The following EPS15L1 variants were observed in gnomAD, a reference collection of about 807,000 sequenced individuals.
The protein encoded by EPS15L1 is epidermal growth factor receptor pathway substrate 15 like 1.
EPS15L1 carries 43 observed loss-of-function variants against 117.1 expected under a neutral mutation model. That is an observed-to-expected ratio of 0.37 (90% CI 0.29 to 0.47). The LOEUF (loss-of-function observed/expected upper bound fraction) is 0.47. EPS15L1 is among the 20% of genes least tolerant of loss of function. EPS15L1 has a pLI of 0.99. For synonymous variants in EPS15L1, 459 were observed against 470.5 expected, an observed-to-expected ratio of 0.98 and a Z score of 0.32; for missense variants, 981 against 1,164.0, an observed-to-expected ratio of 0.84 and a Z score of 2.29.
At chr19:16,422,563 T>C (rs1407799767) in intron 9 of EPS15L1, among the ~76,000 whole-genome samples, 2 of 152,096 alleles carry the variant, frequency 1.3e-5, no homozygotes, top group Non-Finnish European at 2.9e-5. Context: ...TTGTTCCTTC[T>C]CCACGCAGCA....
intron 13 of EPS15L1, chr19:16,413,392 T>C (rs1013410614): frequency 2.8e-5 from 20 of 703,662 alleles, no homozygotes; most frequent in Non-Finnish European, 5.0e-5. Flanking sequence ...ACTGCCATCC[T>C]GGGCAACTTC....
At chr19:16,393,510 G>A (rs1156325570) in intron 18 of EPS15L1, among the ~76,000 whole-genome samples, 5 of 151,448 alleles carry the variant, frequency 3.3e-5, no homozygotes, top group Admixed American at 1.3e-4. Context: ...TTAGCCGGGC[G>A]TGGTAGCGGG....
intron 1 of EPS15L1, among the ~76,000 whole-genome samples, chr19:16,447,134 G>A (rs943125162): frequency 1.3e-5 from 2 of 152,106 alleles, no homozygotes; most frequent in African/African-American, 4.8e-5. Context: ...CACATTCTGC[G>A]GGTGAGATAA....
chr19:16,404,521 T>C lies in EPS15L1; in HGVS notation c.1428+67A>G. ...TGTTGTGTTCCCAGGTAACACGAGCTCAGGGGAGTCCTTGGGAAGCCCCTG... is the reference window on the plus strand; with the variant it reads ...TGTTGTGTTCCCAGGTAACACGAGCCCAGGGGAGTCCTTGGGAAGCCCCTG... On this transcript the variant is annotated intron_variant, in intron 14 of 23. Coordinates refer to ENST00000455140, the MANE Select transcript of EPS15L1 (RefSeq NM_001258374.3). This position sits in a 1 kb window ranked among gnomAD's most constrained non-coding sequence, Gnocchi z 4.2. The C allele has an allele frequency of 6.4e-7, 1 of 1,562,076 alleles. No individual in the cohort carries two copies. The highest frequency in any genetic ancestry group is 8.8e-7 in the Non-Finnish European group (1 of 1,139,540).
chr19:16,404,041 A>G lies in EPS15L1; in HGVS notation c.1429-111T>C, dbSNP rs998965851. The G allele has an allele frequency of 1.7e-5, 17 of 1,016,120 alleles. No individual in the cohort carries two copies. The highest frequency in any genetic ancestry group is 4.2e-5 in the Admixed American group (2 of 47,238). The allele number at this position is 1,016,120 out of a possible 1,614,324, so 62.9% of individuals were successfully genotyped here. ...CCGAAACAAGCTAAGCCAGGGACGC[A>G]GACACCTAACCCAGGCCCGACACCT... On this transcript the variant is annotated intron_variant, in intron 14 of 23. Transcript: ENST00000455140. The surrounding 1 kb of genome is among the most constrained non-coding windows in gnomAD (Gnocchi z 4.2).
chr19:16,413,198 C>T (rs910738299), intron 13 of EPS15L1: 118 of 650,856 alleles, frequency 1.8e-4, no homozygotes, highest in African/African-American at 1.7e-3. Flanking sequence ...TGTGCAGAGG[C>T]TACTGGGGGA....
In EPS15L1 at chr19:16,413,783, C is replaced by T. The variant is rs142544986; in HGVS notation, c.1256G>A (p.Ser419Asn). 2 of 1,613,896 alleles carry T rather than the reference C, an allele frequency of 1.2e-6. No individual in the cohort carries two copies. The highest frequency in any genetic ancestry group is 1.7e-6 in the Non-Finnish European group (2 of 1,179,768). Residue 419 changes from serine (S) to asparagine (N), a missense_variant, in exon 13 of 24, where the codon AGC (serine) becomes AAC (asparagine). Coordinates refer to ENST00000455140, the MANE Select transcript of EPS15L1 (RefSeq NM_001258374.3). ...GAACGAGACCCTTACCTGCACCTCG[C>T]TGGTTTTCTGTCTGATTGCCTCTTC... ...EKEEAIRQKT[S>N]EVQELQNDLD...
rs1486877348 is a variant in EPS15L1 at position 16,471,429 on chromosome 19, C to T, written c.33+484G>A. On this transcript the variant is annotated intron_variant, in intron 1 of 23. Transcript: ENST00000455140. This position sits in a 1 kb window ranked among gnomAD's most constrained non-coding sequence, Gnocchi z 4.8. ...CGATCTGCGCCCGGTGCAGGGGTGG[C>T]GGAAGCAGCTTCCAAGGAGGCAGGG... Among the ~76,000 whole-genome samples, 1 of 152,202 alleles carries T rather than the reference C, an allele frequency of 6.6e-6. No homozygotes were observed. The highest frequency in any genetic ancestry group is 1.5e-5 in the Non-Finnish European group (1 of 68,042).
intron 13 of EPS15L1, among the ~76,000 whole-genome samples, chr19:16,411,840 C>T (rs900825773): frequency 6.6e-6 from 1 of 152,158 alleles, no homozygotes; most frequent in African/African-American, 2.4e-5. Context: ...ACTGGGACTA[C>T]AGACACATGC....
rs1200016276 is a variant in EPS15L1, at chr19:16,370,454, G to A, written c.2380+6668C>T. Among the ~76,000 whole-genome samples, 2 of 152,148 alleles carry A rather than the reference G, an allele frequency of 1.3e-5. No homozygotes were observed. The highest frequency in any genetic ancestry group is 2.9e-5 in the Non-Finnish European group (2 of 67,970). On this transcript the variant is annotated intron_variant, in intron 22 of 23. Coordinates refer to ENST00000455140, the MANE Select transcript of EPS15L1 (RefSeq NM_001258374.3). The surrounding 1 kb of genome is among the most constrained non-coding windows in gnomAD (Gnocchi z 5.2). ...CAGGTACACCCGATGTCCCCAGGGC[G>A]ATGGCTCCCGTCTGTTCACACCTAT...
At chr19:16,464,023 G>A (rs572240747) in intron 1 of EPS15L1, among the ~76,000 whole-genome samples, 6 of 152,238 alleles carry the variant, frequency 3.9e-5, no homozygotes, top group South Asian at 2.1e-4. Context: ...TGGGAAACAC[G>A]GGGAGCAGGT....
intron 1 of EPS15L1, among the ~76,000 whole-genome samples, chr19:16,450,342 A>C (rs906696998): frequency 6.6e-6 from 1 of 151,264 alleles, no homozygotes; most frequent in African/African-American, 2.5e-5. Context: ...CTAAACTCTC[A>C]GGGGTGGTTC....
chr19:16,444,081 A>G (rs1274631013), intron 1 of EPS15L1, among the ~76,000 whole-genome samples: 3 of 150,652 alleles, frequency 2.0e-5, no homozygotes, highest in Non-Finnish European at 4.4e-5. Flanking sequence ...AAAAAAAAAA[A>G]AAGAAGTGAA....
chr19:16,407,300 C>T (rs1037625523), intron 13 of EPS15L1, among the ~76,000 whole-genome samples: 1 of 152,016 alleles, frequency 6.6e-6, no homozygotes, highest in Non-Finnish European at 1.5e-5. Context: ...CTTCTCCCCA[C>T]TCCCCAGCAT....
Position 16,365,903 on chromosome 19 carries a change from C to G in EPS15L1, c.2381-3919G>C, listed in dbSNP as rs1353574081. Among the ~76,000 whole-genome samples, 2 of 152,224 alleles carry G rather than the reference C, an allele frequency of 1.3e-5. No individual in the cohort carries two copies. The highest frequency in any genetic ancestry group is 2.9e-5 in the Non-Finnish European group (2 of 68,036). On this transcript the variant is annotated intron_variant, in intron 22 of 23. Coordinates refer to ENST00000455140, the MANE Select transcript of EPS15L1 (RefSeq NM_001258374.3). This position sits in a 1 kb window ranked among gnomAD's most constrained non-coding sequence, Gnocchi z 4.9. ...TGGGCTTCAGGAGGTCCTGGTGAAC[C>G]AGGTGCCACCTGTTACAGATTCCAC...
intron 13 of EPS15L1, among the ~76,000 whole-genome samples, chr19:16,410,448 G>C (rs974370331): frequency 1.2e-4 from 18 of 152,206 alleles, no homozygotes; most frequent in African/African-American, 4.3e-4. Context: ...TTGAAAAACA[G>C]TCTGGCAGCT....
chr19:16,440,480 G>C (rs2093020608), intron 4 of EPS15L1, among the ~76,000 whole-genome samples: 1 of 152,116 alleles, frequency 6.6e-6, no homozygotes, highest in Admixed American at 6.5e-5. Flanking sequence ...TCTGATCACT[G>C]TGCTGTGGTT....
In EPS15L1 at chr19:16,417,930, A is replaced by G; in HGVS notation, c.1107+18T>C. The G allele has an allele frequency of 5.0e-6, 8 of 1,608,430 alleles. No individual in the cohort carries two copies. The highest frequency in any genetic ancestry group is 5.9e-6 in the Non-Finnish European group (7 of 1,177,454). On this transcript the variant is annotated intron_variant, in intron 11 of 23. Transcript: ENST00000455140. ...GAAGGGATGTCAATACCCCCAGGGC[A>G]TGACCAGCACCACTCACCGGGCCGG...
chr19:16,441,032 G>A, intron 3 of EPS15L1, 123 bp from the exon 4 acceptor site: 1 of 934,130 alleles, frequency 1.1e-6, no homozygotes, highest in South Asian at 1.3e-5. Flanking sequence ...TCCCCAGGTT[G>A]TCCTGCAGAT....
Sources: allele counts gnomAD v4.1 joint callset (sites outside exome capture counted in the v4.1 genomes callset), GRCh38; gene constraint gnomAD v4.1.1; non-coding constraint Gnocchi (gnomAD v3.1); transcripts MANE v1.5; gene names NCBI Gene and HGNC (gene_info 2026-07-23, HGNC 2026-07-21).